The following PTPRD variants were observed in gnomAD, a reference collection of about 807,000 sequenced individuals.
The protein encoded by PTPRD is receptor-type tyrosine-protein phosphatase delta.
In PTPRD, 34 loss-of-function variants were observed where a neutral mutation model predicts 214.5. The ratio of observed to expected loss-of-function variants is 0.16; its 90% CI spans 0.12 to 0.21. PTPRD has a LOEUF of 0.21. Ranked by LOEUF, PTPRD falls within the 10% of genes least tolerant of loss-of-function variation. The probability of loss-of-function intolerance (pLI) is 1.00; values close to 1 mark genes in which losing one functional copy is unlikely to be tolerated. For synonymous variants in PTPRD, 1,128 were observed against 845.7 expected (o/e 1.33, Z -5.79); for missense variants, 2,545 against 2,398.7 (o/e 1.06, Z -1.27).
intron 11 of PTPRD, among the ~76,000 whole-genome samples, chr9:8,996,875 A>G (rs889234812): frequency 1.3e-5 from 2 of 152,096 alleles, no homozygotes; most frequent in Admixed American, 1.3e-4. Context: ...ACCATAGCAG[A>G]GGGTGATGGA....
intron 9 of PTPRD, among the ~76,000 whole-genome samples, chr9:9,249,253 CCTT>C (rs2099974418): frequency 6.6e-6 from 1 of 152,008 alleles, no homozygotes; most frequent in African/African-American, 2.4e-5. Flanking sequence ...GCCTGCTCCT[CCTT>C]CGACTTCCAT....
intron 44 of PTPRD, among the ~76,000 whole-genome samples, chr9:8,330,553 T>A (rs1839235689): frequency 8.9e-6 from 1 of 112,482 alleles, no homozygotes; most frequent in Non-Finnish European, 1.6e-5. Context: ...AAAGGATGTT[T>A]AATAACTCAA....
At chr9:9,507,792 A>G (rs1299682162) in intron 8 of PTPRD, among the ~76,000 whole-genome samples, 1 of 151,492 alleles carries the variant, frequency 6.6e-6, no homozygotes, top group Non-Finnish European at 1.5e-5. Flanking sequence ...CTGTTTATAA[A>G]GATGATTTAA....
chr9:9,591,610 C>A (rs1433838238), intron 7 of PTPRD, among the ~76,000 whole-genome samples: 1 of 151,982 alleles, frequency 6.6e-6, no homozygotes, highest in Non-Finnish European at 1.5e-5. Flanking sequence ...CACAAATAAG[C>A]CTTCAATAAA....
intron 14 of PTPRD, among the ~76,000 whole-genome samples, chr9:8,569,510 C>T (rs1295116823): frequency 3.3e-5 from 5 of 152,082 alleles, no homozygotes; most frequent in Admixed American, 2.6e-4. Context: ...AAAAATTGGG[C>T]CTTCCAATTA....
At chr9:8,459,823 G>A (rs10977128) in intron 33 of PTPRD, among the ~76,000 whole-genome samples, 4,731 of 152,090 alleles carry the variant, frequency 0.031, 262 homozygotes, top group African/African-American at 0.11. Context: ...ACACATACAC[G>A]AATTCACCAG....
chr9:8,457,712 T>C (rs1474213692), intron 33 of PTPRD, among the ~76,000 whole-genome samples: 1 of 152,138 alleles, frequency 6.6e-6, no homozygotes, highest in Admixed American at 6.6e-5. Context: ...GGATTATCAA[T>C]ATAATGTGAG....
intron 5 of PTPRD, among the ~76,000 whole-genome samples, chr9:9,819,094 A>G (rs1404148302): frequency 6.6e-6 from 1 of 152,104 alleles, no homozygotes; most frequent in East Asian, 1.9e-4. Context: ...TGAATAATGC[A>G]GTCCCACATC....
intron 10 of PTPRD, among the ~76,000 whole-genome samples, chr9:9,019,293 A>AAAGAAAGAAAGAAAGAAAGG (rs1569428003): frequency 1.5e-3 from 62 of 41,880 alleles, no homozygotes; most frequent in African/African-American, 4.8e-3. Context: ...AGAAAGAAAG[A>AAAGAAAGAAAGAAAGAAAGG]AAGAAAGAAA....
intron 9 of PTPRD, among the ~76,000 whole-genome samples, chr9:9,301,514 G>C (rs746986905): frequency 6.6e-6 from 1 of 151,800 alleles, no homozygotes; most frequent in Non-Finnish European, 1.5e-5. Context: ...TTGTGGTACT[G>C]CATCAAGCTA....
intron 7 of PTPRD, among the ~76,000 whole-genome samples, chr9:9,715,286 T>A (rs915860351): frequency 2.0e-5 from 3 of 152,200 alleles, no homozygotes; most frequent in Non-Finnish European, 2.9e-5. Flanking sequence ...TTTTCAACTC[T>A]AAATTCTCAA....
chr9:9,819,983 G>A (rs1309479608), intron 5 of PTPRD, among the ~76,000 whole-genome samples: 3 of 151,996 alleles, frequency 2.0e-5, no homozygotes, highest in Non-Finnish European at 2.9e-5. Context: ...TGGTAGAACA[G>A]TTTGCTTTGG....
intron 3 of PTPRD, among the ~76,000 whole-genome samples, chr9:10,275,695 C>T (rs890658784): frequency 1.3e-5 from 2 of 152,150 alleles, no homozygotes; most frequent in Non-Finnish European, 2.9e-5. Flanking sequence ...GTTAAGTTCA[C>T]CTGTCCCAGA....
At chr9:8,650,702 G>C (rs1179991393) in intron 12 of PTPRD, among the ~76,000 whole-genome samples, 2 of 152,064 alleles carry the variant, frequency 1.3e-5, no homozygotes, top group East Asian at 3.9e-4. Flanking sequence ...CCAATACCCT[G>C]ACAGAGATCA....
At chr9:9,876,510 A>G (rs139025591) in intron 5 of PTPRD, among the ~76,000 whole-genome samples, 2 of 152,316 alleles carry the variant, frequency 1.3e-5, no homozygotes, top group African/African-American at 4.8e-5. Context: ...TTAACAACTA[A>G]CAAAGCACAC....
chr9:10,133,637 C>T (rs1439840892), intron 3 of PTPRD, among the ~76,000 whole-genome samples: 1 of 151,708 alleles, frequency 6.6e-6, no homozygotes, highest in African/African-American at 2.4e-5. Context: ...TATAAGTCCA[C>T]CATAATAAAA....
intron 11 of PTPRD, among the ~76,000 whole-genome samples, chr9:8,880,618 C>A (rs894223521): frequency 2.0e-5 from 3 of 152,128 alleles, no homozygotes; most frequent in African/African-American, 7.2e-5. Flanking sequence ...GTATACTGCA[C>A]CTTTTTTTTC....
chr9:9,926,024 T>C (rs181958157), intron 5 of PTPRD, among the ~76,000 whole-genome samples: 14 of 151,908 alleles, frequency 9.2e-5, no homozygotes, highest in African/African-American at 3.4e-4. Flanking sequence ...AGAAATGGGG[T>C]CTTTCTATGT....
At chr9:8,333,555 C>T (rs1156407527) in intron 43 of PTPRD, among the ~76,000 whole-genome samples, 1 of 152,162 alleles carries the variant, frequency 6.6e-6, no homozygotes, top group African/African-American at 2.4e-5. Context: ...CTGAAGGAAG[C>T]ACTAAACATG....
Sources: allele counts gnomAD v4.1 joint callset (sites outside exome capture counted in the v4.1 genomes callset), GRCh38; gene constraint gnomAD v4.1.1; transcripts MANE v1.5; gene names NCBI Gene and HGNC (gene_info 2026-07-23, HGNC 2026-07-21).